The following FMN2 variants were observed in gnomAD, a reference collection of about 807,000 sequenced individuals.
FMN2 encodes formin-2.
In FMN2, 51 loss-of-function variants were observed where a neutral mutation model predicts 142.3. The ratio of observed to expected loss-of-function variants is 0.36; its 90% CI spans 0.29 to 0.45. FMN2 has a LOEUF of 0.45. Among genes scored for constraint, FMN2 ranks in the 20% least tolerant of loss-of-function variants. The pLI is 1.00. For synonymous variants in FMN2, 882 were observed against 869.8 expected (o/e 1.01, Z -0.25); for missense variants, 1,936 against 2,122.8 (o/e 0.91, Z 1.73).
chr1:240,334,298 T>A (rs12122068), intron 13 of FMN2, 69 bp downstream of exon 13: 20 of 1,451,058 alleles, frequency 1.4e-5, no homozygotes, highest in Non-Finnish European at 1.8e-5. Context: ...GACTTTTCAA[T>A]GTTTTTAGAG....
chr1:240,253,056 G>A (rs944121380), intron 6 of FMN2, among the ~76,000 whole-genome samples: 3 of 146,978 alleles, frequency 2.0e-5, no homozygotes, highest in East Asian at 2.1e-4. Flanking sequence ...TGGTTCAAGC[G>A]ATTCTCCTGC....
chr1:240,114,583 A>G (rs1400035558), intron 1 of FMN2, among the ~76,000 whole-genome samples: 4 of 151,526 alleles, frequency 2.6e-5, no homozygotes, highest in African/African-American at 7.3e-5. Context: ...TTTTCCATCC[A>G]CTTGCTGTTC....
chr1:240,391,071 AAT>A (rs1436444359), intron 14 of FMN2, among the ~76,000 whole-genome samples: 1 of 152,032 alleles, frequency 6.6e-6, no homozygotes, highest in African/African-American at 2.4e-5. Context: ...TGTATAAAAC[AAT>A]ATGTTCGTGC....
At chr1:240,422,452 A>G (rs539869904) in intron 15 of FMN2, among the ~76,000 whole-genome samples, 180 of 152,278 alleles carry the variant, frequency 1.2e-3, no homozygotes, top group African/African-American at 4.2e-3. Context: ...TTTTCCTCAT[A>G]TAGATCTTGT....
intron 2 of FMN2, among the ~76,000 whole-genome samples, chr1:240,134,218 AG>A (rs1241450689): frequency 6.6e-6 from 1 of 152,202 alleles, no homozygotes; most frequent in Non-Finnish European, 1.5e-5. Flanking sequence ...GATTTTGTAA[AG>A]AAGAGAGCTG....
intron 8 of FMN2, among the ~76,000 whole-genome samples, chr1:240,317,027 G>A (rs750813503): frequency 2.6e-5 from 4 of 152,114 alleles, no homozygotes; most frequent in Non-Finnish European, 5.9e-5. Flanking sequence ...TGTAAAACAG[G>A]ACGAGTGGGT....
chr1:240,313,081 T>G (rs939493842), intron 8 of FMN2, among the ~76,000 whole-genome samples: 1 of 152,226 alleles, frequency 6.6e-6, no homozygotes, highest in African/African-American at 2.4e-5. Flanking sequence ...CACTTCCTAT[T>G]GCAACATTTG....
At chr1:240,203,549 A>G (rs1489893051) in intron 4 of FMN2, among the ~76,000 whole-genome samples, 1 of 152,216 alleles carries the variant, frequency 6.6e-6, no homozygotes, top group Non-Finnish European at 1.5e-5. Flanking sequence ...TCAGCAAACT[A>G]ACACAGGAAC....
At chr1:240,264,607 C>T (rs536371827) in intron 7 of FMN2, among the ~76,000 whole-genome samples, 1 of 152,188 alleles carries the variant, frequency 6.6e-6, no homozygotes, top group East Asian at 1.9e-4. Flanking sequence ...GTTCAACTCC[C>T]ACTTATGAGT....
At chr1:240,376,832 T>C (rs1673062970) in intron 14 of FMN2, among the ~76,000 whole-genome samples, 1 of 152,146 alleles carries the variant, frequency 6.6e-6, no homozygotes, top group South Asian at 2.1e-4. Context: ...ATGTTATACA[T>C]CTTTGTTTAA....
chr1:240,407,746 C>T (rs1420441562), intron 15 of FMN2, among the ~76,000 whole-genome samples: 3 of 152,174 alleles, frequency 2.0e-5, no homozygotes, highest in Non-Finnish European at 4.4e-5. Context: ...TCCACAGTTC[C>T]TCTCCTGCCT....
intron 4 of FMN2, among the ~76,000 whole-genome samples, chr1:240,203,383 A>G (rs1380222308): frequency 6.6e-6 from 1 of 152,232 alleles, no homozygotes; most frequent in Non-Finnish European, 1.5e-5. Flanking sequence ...AGCACTAGTC[A>G]TAATAGCAAA....
chr1:240,170,735 T>TG, intron 2 of FMN2: 1 of 1,501,464 alleles, frequency 6.7e-7, no homozygotes, highest in Non-Finnish European at 9.2e-7. Flanking sequence ...ACTGTCAAGG[T>TG]GGGGCCTGGC....
chr1:240,328,097 G>T (rs1307230302), intron 8 of FMN2, among the ~76,000 whole-genome samples: 2 of 128,504 alleles, frequency 1.6e-5, no homozygotes, highest in Non-Finnish European at 3.1e-5. Context: ...GTAGTGAGCA[G>T]ATGTGGCGCC....
At chr1:240,380,634 A>C (rs531410704) in intron 14 of FMN2, among the ~76,000 whole-genome samples, 1 of 152,138 alleles carries the variant, frequency 6.6e-6, no homozygotes, top group East Asian at 1.9e-4. Flanking sequence ...CATAAAAAAC[A>C]CAGAATGATC....
intron 13 of FMN2, among the ~76,000 whole-genome samples, chr1:240,338,807 A>G (rs1276841768): frequency 6.6e-6 from 1 of 152,204 alleles, no homozygotes; most frequent in Non-Finnish European, 1.5e-5. Flanking sequence ...TACTTCTATT[A>G]TAATTACATT....
chr1:240,452,139 C>T (rs150390461), intron 16 of FMN2, among the ~76,000 whole-genome samples: 10,171 of 151,570 alleles, frequency 0.067, 379 homozygotes, highest in Middle Eastern at 0.095. Context: ...TGCAGTGAGC[C>T]GAGATCACAC....
chr1:240,370,942 T>G (rs1276194292), intron 14 of FMN2, among the ~76,000 whole-genome samples: 2 of 152,052 alleles, frequency 1.3e-5, no homozygotes, highest in Non-Finnish European at 2.9e-5. Flanking sequence ...AAATGTGTGT[T>G]TATTTATTTT....
intron 7 of FMN2, among the ~76,000 whole-genome samples, chr1:240,259,989 GA>G (rs1419536358): frequency 1.3e-5 from 2 of 152,100 alleles, no homozygotes; most frequent in African/African-American, 2.4e-5. Flanking sequence ...TTATGAATGT[GA>G]GAACATACAA....
Sources: allele counts gnomAD v4.1 joint callset (sites outside exome capture counted in the v4.1 genomes callset), GRCh38; gene constraint gnomAD v4.1.1; transcripts MANE v1.5; gene names NCBI Gene and HGNC (gene_info 2026-07-23, HGNC 2026-07-21).